Variants in CNGA4 observed in about 807,000 individuals in gnomAD.
The protein encoded by CNGA4 is cyclic nucleotide gated channel subunit alpha 4, also known as cyclic nucleotide-gated channel alpha-4.
A neutral mutation model predicts 45.6 loss-of-function variants in CNGA4; 32 were observed. That is an observed-to-expected ratio of 0.70 (90% CI 0.53 to 0.94). The LOEUF (loss-of-function observed/expected upper bound fraction) is 0.94, where lower values mean the gene tolerates loss of function less well. CNGA4 is among the 40% of genes least tolerant of loss of function. The pLI is 0.00. For missense variants in CNGA4, 726 were observed against 755.1 expected, an observed-to-expected ratio of 0.96 and a Z score of 0.45; for synonymous variants, 293 against 304.6, an observed-to-expected ratio of 0.96 and a Z score of 0.40.
At position 6,239,269 on chromosome 11, in the gene CNGA4, G is replaced by A. The variant is rs188149923; in HGVS notation, c.62+1G>A. On this transcript the variant is annotated splice_donor_variant, in intron 1 of 5. Transcript: ENST00000379936. LOFTEE classifies it high-confidence loss of function. ...GTCCCCCAGCCCCATCCAAGGCCAG[G>A]TGAGAAGTCCTGGTCCCTTGTGTGG... The A allele has an allele frequency of 2.9e-4, 473 of 1,614,164 alleles. 2 individuals carry two copies. The highest frequency in any genetic ancestry group is 1.3e-3 in the South Asian group (122 of 91,088).
chr11:6,236,415 C>G (rs1020685179), upstream of CNGA4, among the ~76,000 whole-genome samples: 1 of 152,094 alleles, frequency 6.6e-6, no homozygotes, highest in African/African-American at 2.4e-5. Context: ...TGATAAGGCC[C>G]AAACTAGAGT....
In CNGA4 at chr11:6,240,749, T is replaced by C. The variant is rs776855312; in HGVS notation, c.917+38T>C. On this transcript the variant is annotated intron_variant, in intron 4 of 5. Transcript: ENST00000379936. This position sits in a 1 kb window ranked among gnomAD's most constrained non-coding sequence, Gnocchi z 4.9. ...GGTTCCAGACCAGGACAGGGACCAG[T>C]GTAGGTGATGGAACCTGAGGGAGGT... 5 of 1,585,314 alleles carry C rather than the reference T, an allele frequency of 3.2e-6. No homozygotes were observed. Among genetic ancestry groups the C allele is most frequent in the African/African-American group, 1.3e-5 (1 of 74,416 alleles).
At chr11:6,242,968 G>C (rs1847937964) in intron 5 of CNGA4, among the ~76,000 whole-genome samples, 1 of 152,156 alleles carries the variant, frequency 6.6e-6, no homozygotes, top group South Asian at 2.1e-4. Context: ...CATAAGGCCT[G>C]AACTTCATGT....
chr11:6,244,715 A>G (rs1156807793), downstream of CNGA4, among the ~76,000 whole-genome samples: 1 of 152,082 alleles, frequency 6.6e-6, no homozygotes, highest in African/African-American at 2.4e-5. The surrounding 1 kb of genome is among the most constrained non-coding windows in gnomAD (Gnocchi z 4.5). Flanking sequence ...CACAGCACAC[A>G]TGCTTTCTCA....
chr11:6,240,834 T>C lies in CNGA4; in HGVS notation c.917+123T>C, dbSNP rs74805386. 0.023 allele frequency: 28,704 copies of C among 1,232,270 alleles called. 526 individuals carry two copies. Among genetic ancestry groups the C allele is most frequent in the Non-Finnish European group, 0.024 (21,608 of 888,134 alleles). 76.3% of individuals were successfully genotyped at this position (1,232,270 alleles called of 1,614,324 possible). ...GCTGTCAAAATGTAGCATTCAGCCG[T>C]GGGTTTGCTGGCTGGGGCTTGGAAA... is the stretch of plus-strand genomic sequence containing the variant. On this transcript the variant is annotated intron_variant, in intron 4 of 5. Transcript: ENST00000379936. The surrounding 1 kb of genome is among the most constrained non-coding windows in gnomAD (Gnocchi z 4.9).
At chr11:6,235,317 T>C (rs189825543), upstream of CNGA4, among the ~76,000 whole-genome samples, 670 of 152,332 alleles carry the variant, frequency 4.4e-3, 5 homozygotes, top group Non-Finnish European at 7.8e-3. Flanking sequence ...TGTGCTGTGC[T>C]GCTCCGTCAC....
rs1472814352 is a variant in CNGA4, at chr11:6,239,132, G to A, written c.-75G>A. ...GCCTCCTTCAGGCAGTCAGGCACTAGTGCCCAACTCCAGAAGTCCCCTACA... is the reference window on the plus strand; with the variant it reads ...GCCTCCTTCAGGCAGTCAGGCACTAATGCCCAACTCCAGAAGTCCCCTACA... On this transcript the variant is annotated 5_prime_UTR_variant, in exon 1 of 6. It adds an upstream start codon to the 5' untranslated region. Coordinates refer to ENST00000379936, the MANE Select transcript of CNGA4 (RefSeq NM_001037329.4). 9 of 1,609,832 alleles carry A rather than the reference G, an allele frequency of 5.6e-6. No homozygotes were observed. The East Asian group carries it at 8.9e-5, about 16-fold the overall frequency.
upstream of CNGA4, among the ~76,000 whole-genome samples, chr11:6,235,704 G>A (rs960392925): frequency 3.9e-5 from 6 of 152,170 alleles, no homozygotes; most frequent in Non-Finnish European, 7.4e-5. Flanking sequence ...ACTTTGAGAG[G>A]CCGAGGCGGG....
At chr11:6,239,946 A>C in intron 3 of CNGA4, 120 bp from the exon 4 acceptor site, 1 of 1,411,762 alleles carries the variant, frequency 7.1e-7, no homozygotes, top group Non-Finnish European at 9.7e-7. Flanking sequence ...AGCCGGGAGC[A>C]GAGTTATGCC....
chr11:6,235,853 C>T (rs1040186612), upstream of CNGA4, among the ~76,000 whole-genome samples: 7 of 151,650 alleles, frequency 4.6e-5, no homozygotes, highest in African/African-American at 1.7e-4. Flanking sequence ...GCAGGAGAAT[C>T]GCTTGAACCC....
chr11:6,241,659 C>G lies in CNGA4; in HGVS notation c.1146C>G (p.Gly382=). The G allele has an allele frequency of 6.2e-7, 1 of 1,614,188 alleles. No homozygotes were observed. Among genetic ancestry groups the G allele is most frequent in the Non-Finnish European group, 8.5e-7 (1 of 1,180,044 alleles). Residue 382 remains glycine (G), a synonymous_variant, in exon 5 of 6, where the codon GGC becomes GGG. Transcript: ENST00000379936. ...GEYVCRKGDI[G]QEMYIIREGQ... is the part of the protein sequence containing the mutation. ...ATGTATGCCGCAAAGGAGACATTGG[C>G]CAAGAGATGTACATCATCCGAGAGG...
intron 2 of CNGA4, 75 bp downstream of exon 2, chr11:6,239,560 C>G: frequency 6.4e-7 from 1 of 1,570,300 alleles, no homozygotes; most frequent in Admixed American, 1.7e-5. Flanking sequence ...AAGGGCAGAC[C>G]CTTGGTGGGG....
chr11:6,243,641 G>C (rs1468891500), intron 5 of CNGA4, among the ~76,000 whole-genome samples: 1 of 152,158 alleles, frequency 6.6e-6, no homozygotes, highest in Non-Finnish European at 1.5e-5. Context: ...CTTACGGTTT[G>C]GTAGGGGCTC....
upstream of CNGA4, among the ~76,000 whole-genome samples, chr11:6,236,026 T>A (rs1847832097): frequency 6.6e-6 from 1 of 152,196 alleles, no homozygotes; most frequent in African/African-American, 2.4e-5. Context: ...TTATGTAAGA[T>A]CATAACGTTA....
intron 5 of CNGA4, 40 bp downstream of exon 5, chr11:6,241,820 G>A (rs375054431): frequency 9.5e-6 from 15 of 1,577,768 alleles, no homozygotes; most frequent in African/African-American, 9.4e-5. Flanking sequence ...AAGGATGGGT[G>A]GGGTAGGGGG....
chr11:6,237,428 G>A (rs566420837), upstream of CNGA4, among the ~76,000 whole-genome samples: 115 of 152,136 alleles, frequency 7.6e-4, no homozygotes, highest in African/African-American at 2.5e-3. Flanking sequence ...TAGTCATATA[G>A]ATAACTGAAA....
chr11:6,244,606 A>G (rs894623291), downstream of CNGA4, among the ~76,000 whole-genome samples: 2 of 100,448 alleles, frequency 2.0e-5, no homozygotes, highest in African/African-American at 6.3e-5. The surrounding 1 kb of genome is among the most constrained non-coding windows in gnomAD (Gnocchi z 4.5). Context: ...ACACACACAC[A>G]CACACACACA....
At chr11:6,241,987 C>A in intron 5 of CNGA4, 1 of 594,816 alleles carries the variant, frequency 1.7e-6, no homozygotes. Context: ...GGCCAGTGAA[C>A]AGGGTGGGTT....
At chr11:6,244,544 A>G (rs1847966323), downstream of CNGA4, 9 of 736,438 alleles carry the variant, frequency 1.2e-5, no homozygotes, top group South Asian at 1.1e-4. The surrounding 1 kb of genome is among the most constrained non-coding windows in gnomAD (Gnocchi z 4.5). Context: ...GCCCAGCTAG[A>G]GATATAGGAG....
Sources: allele counts gnomAD v4.1 joint callset (sites outside exome capture counted in the v4.1 genomes callset), GRCh38; gene constraint gnomAD v4.1.1; non-coding constraint Gnocchi (gnomAD v3.1); transcripts MANE v1.5; gene names NCBI Gene and HGNC (gene_info 2026-07-23, HGNC 2026-07-21).